Variants in C11orf65 observed in about 807,000 individuals in gnomAD.
The protein encoded by C11orf65 is chromosome 11 open reading frame 65.
Under a neutral mutation model 35.3 loss-of-function variants are expected in C11orf65, and 38 were observed. The observed-to-expected ratio is 1.08, with a 90% confidence interval of 0.83 to 1.41. The LOEUF is 1.41. Among genes scored for constraint, C11orf65 ranks in the 40% most tolerant of loss-of-function variants. The pLI is 0.00. For synonymous variants in C11orf65, 105 were observed against 114.4 expected (o/e 0.92, Z 0.53); for missense variants, 370 against 367.1 (o/e 1.01, Z -0.06).
upstream of C11orf65, chr11:108,467,639 C>T (rs1236695499): frequency 1.3e-5 from 2 of 152,066 alleles, no homozygotes; most frequent in African/African-American, 2.4e-5. Flanking sequence ...AGACCAACCG[C>T]TTGTGAAGGC....
Position 108,345,895 on chromosome 11 carries a change from T to C in C11orf65, c.227-10603A>G, listed in dbSNP as rs786203050. ...GATTGGCTTATACGCGCAGTGTAGCTACTTCTTCTATTGGTAATCTTCTTG... is the reference window on the plus strand; with the variant it reads ...GATTGGCTTATACGCGCAGTGTAGCCACTTCTTCTATTGGTAATCTTCTTG... On this transcript the variant is annotated intron_variant, in intron 2 of 3. Coordinates refer to the C11orf65 transcript ENST00000524755. 1 of 1,613,714 alleles carries C rather than the reference T, an allele frequency of 6.2e-7. No homozygotes were observed. Among genetic ancestry groups the C allele is most frequent in the Non-Finnish European group, 8.5e-7 (1 of 1,179,748 alleles).
Position 108,315,856 on chromosome 11 carries a change from G to C in C11orf65, c.641-6785C>G, listed in dbSNP as rs375783941. 3 of 1,613,152 alleles carry C rather than the reference G, an allele frequency of 1.9e-6. No homozygotes were observed. The highest frequency in any genetic ancestry group is 2.5e-6 in the Non-Finnish European group (3 of 1,179,188). ...CTTAGAAATCTACAGAAGTATAGGGGAGCCAGATAGTTTGTATGGCTGTGG... is the reference window on the plus strand; with the variant it reads ...CTTAGAAATCTACAGAAGTATAGGGCAGCCAGATAGTTTGTATGGCTGTGG... On this transcript the variant is annotated intron_variant, in intron 6 of 6. Coordinates refer to the C11orf65 transcript ENST00000525729.
intron 3 of C11orf65, among the ~76,000 whole-genome samples, chr11:108,410,907 C>T (rs908894923): frequency 1.3e-5 from 2 of 151,860 alleles, no homozygotes; most frequent in African/African-American, 4.8e-5. Context: ...GACGGGGTTT[C>T]ACCATGTTGG....
intron 6 of C11orf65, among the ~76,000 whole-genome samples, chr11:108,396,706 T>C (rs1026891414): frequency 6.6e-6 from 1 of 150,968 alleles, no homozygotes. Context: ...TGGTGGCAGG[T>C]GCTTGTAGTC....
chr11:108,315,498 G>A (rs1446591089), intron 6 of C11orf65, among the ~76,000 whole-genome samples: 1 of 151,878 alleles, frequency 6.6e-6, no homozygotes, highest in Non-Finnish European at 1.5e-5. Context: ...TTTATTTTAT[G>A]CATTCATGAC....
At chr11:108,413,648 A>G (rs1372725967) in intron 3 of C11orf65, among the ~76,000 whole-genome samples, 1 of 152,144 alleles carries the variant, frequency 6.6e-6, no homozygotes, top group Admixed American at 6.5e-5. Flanking sequence ...TCCATACAAT[A>G]TTAGCTGTGG....
chr11:108,326,365 T>G lies in C11orf65; in HGVS notation c.641-17294A>C, dbSNP rs564180883. The stretch of plus-strand genomic sequence containing the variant: ...TAACAAGATATTGTAAAACTAGTCT[T>G]GAAAATTAATTTGTAAATGAAGTTT... On this transcript the variant is annotated intron_variant, in intron 6 of 6. Coordinates refer to the C11orf65 transcript ENST00000525729. 91 of 1,200,542 alleles carry G rather than the reference T, an allele frequency of 7.6e-5. No individual in the cohort carries two copies. The African/African-American group carries it at 1.4e-3, about 18-fold the overall frequency. 74.4% of individuals were successfully genotyped at this position (1,200,542 alleles called of 1,614,324 possible).
chr11:108,377,030 C>T (rs1478005574), intron 2 of C11orf65, among the ~76,000 whole-genome samples: 2 of 151,754 alleles, frequency 1.3e-5, no homozygotes, highest in Admixed American at 1.3e-4. Flanking sequence ...GATGGATTCA[C>T]AGCCGAATTC....
chr11:108,467,512 G>C lies in C11orf65; in HGVS notation c.-51C>G, dbSNP rs1313945931. On this transcript the variant is annotated 5_prime_UTR_variant, in exon 1 of 9. Transcript: ENST00000393084. ...GGGCGCCGCTGGACTCCTAGGTAAC[G>C]TCGCAGGCGGAAATGACGTAACTCA... The C allele has an allele frequency of 9.2e-5, 14 of 152,304 alleles. No homozygotes were observed. The highest frequency in any genetic ancestry group is 9.2e-4 in the Admixed American group (14 of 15,254). The allele number at this position is 152,304 out of a possible 1,614,324, so 9.4% of individuals were successfully genotyped here. A position where few individuals can be genotyped will look rare whatever the true frequency, so the allele number is the denominator to read the frequency against.
chr11:108,325,256 T>C (rs919555770), intron 6 of C11orf65: 8 of 1,033,054 alleles, frequency 7.7e-6, no homozygotes, highest in African/African-American at 1.7e-5. Flanking sequence ...ATAGTTTTTT[T>C]TTTTTTTTTT....
chr11:108,377,536 C>A (rs921549996), intron 2 of C11orf65, among the ~76,000 whole-genome samples: 3 of 151,792 alleles, frequency 2.0e-5, no homozygotes, highest in African/African-American at 7.3e-5. Flanking sequence ...ACTGAATGGG[C>A]AAAAACTGGA....
chr11:108,419,064 T>A (rs1454468791), intron 3 of C11orf65, among the ~76,000 whole-genome samples: 2 of 152,158 alleles, frequency 1.3e-5, no homozygotes, highest in African/African-American at 4.8e-5. Context: ...CATTTAAGGA[T>A]GAAAATAACA....
intron 2 of C11orf65, chr11:108,354,931 C>G (rs761586242): frequency 1.4e-5 from 20 of 1,439,392 alleles, no homozygotes; most frequent in Non-Finnish European, 2.0e-5. Flanking sequence ...GACTGTGTAT[C>G]TCATCAGGAA....
intron 6 of C11orf65, among the ~76,000 whole-genome samples, chr11:108,317,996 G>A (rs569544684): frequency 1.3e-5 from 2 of 152,198 alleles, no homozygotes; most frequent in Admixed American, 1.3e-4. Flanking sequence ...TAGTCAGTAA[G>A]ATAGCACTTA....
At chr11:108,313,084 T>C (rs1158768620) in intron 6 of C11orf65, among the ~76,000 whole-genome samples, 2 of 152,220 alleles carry the variant, frequency 1.3e-5, no homozygotes, top group Admixed American at 6.5e-5. Context: ...CACATCCCAC[T>C]CTCAAACATT....
chr11:108,446,593 G>T (rs538904380), intron 2 of C11orf65, among the ~76,000 whole-genome samples: 1 of 152,024 alleles, frequency 6.6e-6, no homozygotes, highest in Non-Finnish European at 1.5e-5. Context: ...GAGACATTTT[G>T]TCACCACCAG....
rs1029629833 is a variant in C11orf65 at position 108,376,859 on chromosome 11, C to T, written c.226+16349G>A. On this transcript the variant is annotated intron_variant, in intron 2 of 3. Coordinates refer to the C11orf65 transcript ENST00000524755. The stretch of plus-strand genomic sequence containing the variant: ...AGAGAATACTACAAACACCTCTATG[C>T]AAATAAACTAGAAAATCTAGAAGAA... Among the ~76,000 whole-genome samples the T allele has an allele frequency of 9.7e-3, 1,475 of 151,302 alleles. 30 individuals carry two copies. The highest frequency in any genetic ancestry group is 0.034 in the African/African-American group (1,394 of 41,416).
chr11:108,322,898 G>A (rs1352000718), intron 6 of C11orf65, among the ~76,000 whole-genome samples: 2 of 151,542 alleles, frequency 1.3e-5, no homozygotes, highest in Non-Finnish European at 2.9e-5. Context: ...TAAAAGAAGT[G>A]GAAGAGTTGT....
In C11orf65 at chr11:108,334,984, G is replaced by A. The variant is rs786202859; in HGVS notation, c.299+236C>T. ...CTTTTATTAGGTGGACCACACAGGA[G>A]AATATGGAAATCTGGTGACTATACA... is the stretch of plus-strand genomic sequence containing the variant. On this transcript the variant is annotated intron_variant, in intron 3 of 3. Transcript: ENST00000524755. 1.9e-6 allele frequency: 3 copies of A among 1,613,316 alleles called. No homozygotes were observed. The highest frequency in any genetic ancestry group is 2.5e-6 in the Non-Finnish European group (3 of 1,179,430).
Sources: gnomAD v4.1 joint callset for allele counts (sites outside exome capture counted in the v4.1 genomes callset) on GRCh38, gnomAD v4.1.1 for gene constraint, MANE v1.5 for transcripts, NCBI Gene and HGNC (gene_info 2026-07-23, HGNC 2026-07-21) for gene names.